Variants in MOCOS observed in about 807,000 individuals in gnomAD.
MOCOS encodes the protein human molybdenum cofactor sulfurase.
In MOCOS, 86 loss-of-function variants were observed where a neutral mutation model predicts 83.6. That is an observed-to-expected ratio of 1.03 (90% CI 0.86 to 1.23). The LOEUF (loss-of-function observed/expected upper bound fraction) is 1.23. Ranked by LOEUF, MOCOS falls within the 50% of genes most tolerant of loss-of-function variation. The pLI, the probability that MOCOS is intolerant of heterozygous loss-of-function variation, is 0.00. For missense variants in MOCOS, 1,120 were observed against 1,126.9 expected, an observed-to-expected ratio of 0.99 and a Z score of 0.09; for synonymous variants, 445 against 434.7, an observed-to-expected ratio of 1.02 and a Z score of -0.29.
Position 36,237,426 on chromosome 18 carries a change from G to A in MOCOS, c.1961-11496G>A, listed in dbSNP as rs989148691. On this transcript the variant is annotated intron_variant, in intron 9 of 14. Transcript: ENST00000261326. ...TGTCTGTGGCTCTGTTTATATGCTG[G>A]ATTACATTTATTGATTTGCATATAT... Among the ~76,000 whole-genome samples the A allele has an allele frequency of 6.5e-4, 99 of 152,252 alleles. No homozygotes were observed. The Middle Eastern group carries it at 0.01, about 16-fold the overall frequency.
chr18:36,260,167 C>A lies in MOCOS; in HGVS notation c.2401C>A (p.Arg801Ser), dbSNP rs371356274. The stretch of plus-strand genomic sequence containing the variant: ...GGATGAGATTTCAATTGGCTCTTTG[C>A]GTTTCCAGGTAAGTTTGGGGAAGTT... ...KWDEISIGSL[R>S]FQVLGPCHRC... is the part of the protein sequence containing the mutation. The change falls in exon 13 of 15, where the codon CGT becomes AGT. Residue 801 changes from arginine (R) to serine (S), a missense_variant. By Grantham distance (110) the Arg-to-Ser change is moderately radical. Transcript: ENST00000261326. 4 of 1,614,034 alleles carry A rather than the reference C, an allele frequency of 2.5e-6. 1 individual carries two copies. The highest frequency in any genetic ancestry group is 3.3e-4 in the Middle Eastern group (2 of 6,062).
chr18:36,247,841 G>A (rs2091608007), intron 9 of MOCOS, among the ~76,000 whole-genome samples: 1 of 152,204 alleles, frequency 6.6e-6, no homozygotes, highest in East Asian at 1.9e-4. Flanking sequence ...GGTTCATGCA[G>A]CAAAAGTTCA....
chr18:36,270,281 A>G lies in MOCOS; in HGVS notation c.*1596A>G, dbSNP rs948380353. The G allele has an allele frequency of 2.6e-5, 4 of 152,296 alleles. No individual in the cohort carries two copies. Among genetic ancestry groups the G allele is most frequent in the Middle Eastern group, 6.8e-3 (2 of 296 alleles). The allele number at this position is 152,296 out of a possible 1,614,324, so 9.4% of individuals were successfully genotyped here. On this transcript the variant is annotated 3_prime_UTR_variant, in exon 15 of 15. Transcript: ENST00000261326. Reference sequence around the variant, plus strand: ...GGAGAACAATGCCCTAAAGTAATGGATTTATCCACCTACTCAGGCCAGTTT... The same window carrying G: ...GGAGAACAATGCCCTAAAGTAATGGGTTTATCCACCTACTCAGGCCAGTTT...
intron 13 of MOCOS, among the ~76,000 whole-genome samples, chr18:36,261,103 A>AG (rs2091662233): frequency 6.6e-6 from 1 of 152,056 alleles, no homozygotes; most frequent in African/African-American, 2.4e-5. Context: ...GTAATTGTTG[A>AG]GGGAAGAAAT....
At chr18:36,246,197 C>G (rs1212165503) in intron 9 of MOCOS, among the ~76,000 whole-genome samples, 1 of 152,046 alleles carries the variant, frequency 6.6e-6, no homozygotes, top group Non-Finnish European at 1.5e-5. Context: ...TGTTATAGAA[C>G]CTTGTTTTAT....
At chr18:36,217,170 TGGTTG>T (rs1417275490) in intron 8 of MOCOS, among the ~76,000 whole-genome samples, 5 of 152,158 alleles carry the variant, frequency 3.3e-5, no homozygotes, top group African/African-American at 4.8e-5. Context: ...CTAATTTTGA[TGGTTG>T]TACTGGGGTT....
chr18:36,241,933 C>A (rs1366543405), intron 9 of MOCOS, among the ~76,000 whole-genome samples: 4 of 152,188 alleles, frequency 2.6e-5, no homozygotes, highest in Non-Finnish European at 5.9e-5. Context: ...GGCACCAAAT[C>A]CTGAGGCTAC....
chr18:36,245,409 T>A (rs1307696630), intron 9 of MOCOS, among the ~76,000 whole-genome samples: 1 of 152,198 alleles, frequency 6.6e-6, no homozygotes, highest in Non-Finnish European at 1.5e-5. Context: ...GGATGCAAAA[T>A]TCTTGGCTGA....
At position 36,270,515 on chromosome 18, in the gene MOCOS, C is replaced by G. The variant is rs1645432586; in HGVS notation, c.*1830C>G. On this transcript the variant is annotated 3_prime_UTR_variant, in exon 15 of 15. Transcript: ENST00000261326. ...AGATCATGAGGTCAGGAGATCGAGA[C>G]CATCCTGGCTAACACGGTGAAACCC... The G allele has an allele frequency of 6.6e-6, 1 of 151,934 alleles. No individual in the cohort carries two copies. Among genetic ancestry groups the G allele is most frequent in the African/African-American group, 2.4e-5 (1 of 41,366 alleles). The allele number at this position is 151,934 out of a possible 1,614,324, so 9.4% of individuals were successfully genotyped here. A position where few individuals can be genotyped will look rare whatever the true frequency, so the allele number is the denominator to read the frequency against.
At chr18:36,221,108 T>G (rs564621145) in intron 9 of MOCOS, among the ~76,000 whole-genome samples, 13 of 152,358 alleles carry the variant, frequency 8.5e-5, no homozygotes, top group South Asian at 6.2e-4. Context: ...CCCACTCTGT[T>G]TAGTAGAACT....
Position 36,268,527 on chromosome 18 carries a change from T to G in MOCOS, c.2515-6T>G. On this transcript the variant is annotated splice_region_variant and splice_polypyrimidine_tract_variant and intron_variant, in intron 14 of 14. Transcript: ENST00000261326. Reference sequence around the variant, plus strand: ...TTTTTTGTTGTTGTTGCTGTTTTGTTCACAGGTGAACTTTGGCATGTACCT... The same window carrying G: ...TTTTTTGTTGTTGTTGCTGTTTTGTGCACAGGTGAACTTTGGCATGTACCT... The G allele has an allele frequency of 6.2e-7, 1 of 1,614,188 alleles. No individual in the cohort carries two copies. The highest frequency in any genetic ancestry group is 8.5e-7 in the Non-Finnish European group (1 of 1,180,032).
At chr18:36,254,468 G>C (rs879384912) in intron 11 of MOCOS, among the ~76,000 whole-genome samples, 3,321 of 120,222 alleles carry the variant, frequency 0.028, 89 homozygotes, top group East Asian at 0.12. Context: ...CTGTGTGTGT[G>C]TGTGTGTGTG....
chr18:36,249,046 G>C (rs765887786), intron 10 of MOCOS, 46 bp downstream of exon 10: 4 of 1,516,188 alleles, frequency 2.6e-6, no homozygotes, highest in East Asian at 2.2e-5. Context: ...TTGACAGGCT[G>C]GCACAGAGGG....
intron 9 of MOCOS, among the ~76,000 whole-genome samples, chr18:36,240,865 C>T (rs183162394): frequency 4.1e-4 from 62 of 152,080 alleles, no homozygotes; most frequent in Non-Finnish European, 7.1e-4. Context: ...ATCGGAAAAG[C>T]GCAGTATTCG....
intron 7 of MOCOS, among the ~76,000 whole-genome samples, chr18:36,213,741 C>A (rs1465468934): frequency 6.6e-6 from 1 of 151,606 alleles, no homozygotes; most frequent in Admixed American, 6.6e-5. Context: ...CAAGCCTGGC[C>A]AACATGGTGA....
intron 6 of MOCOS, among the ~76,000 whole-genome samples, chr18:36,209,833 T>A (rs1460230595): frequency 6.6e-6 from 1 of 152,188 alleles, no homozygotes; most frequent in African/African-American, 2.4e-5. Flanking sequence ...AATGACGTTT[T>A]CTTTGGGTAG....
intron 6 of MOCOS, among the ~76,000 whole-genome samples, chr18:36,208,711 C>A (rs2144909685): frequency 6.6e-6 from 1 of 152,244 alleles, no homozygotes; most frequent in Admixed American, 6.5e-5. Context: ...ATGGGATTTT[C>A]CGGGTATAGA....
intron 9 of MOCOS, among the ~76,000 whole-genome samples, chr18:36,229,208 T>C (rs1185551451): frequency 6.6e-6 from 1 of 152,120 alleles, no homozygotes; most frequent in Non-Finnish European, 1.5e-5. Context: ...TAGTTTCCAC[T>C]TGAGGAACTT....
intron 13 of MOCOS, among the ~76,000 whole-genome samples, chr18:36,266,296 T>TGGGTAA (rs2091681665): frequency 6.6e-6 from 1 of 152,064 alleles, no homozygotes; most frequent in African/African-American, 2.4e-5. Context: ...TCACCACGCC[T>TGGGTAA]GGGTAATTTT....
Sources: gnomAD v4.1 joint callset for allele counts (sites outside exome capture counted in the v4.1 genomes callset) on GRCh38, gnomAD v4.1.1 for gene constraint, MANE v1.5 for transcripts, NCBI Gene and HGNC (gene_info 2026-07-23, HGNC 2026-07-21) for gene names.